GUCA1C: variants seen among roughly 807,000 people sequenced by gnomAD.
GUCA1C encodes the protein guanylate cyclase activator 1C.
GUCA1C carries 15 observed loss-of-function variants against 16.2 expected under a neutral mutation model. The ratio of observed to expected loss-of-function variants is 0.93; its 90% CI spans 0.62 to 1.43. The LOEUF (loss-of-function observed/expected upper bound fraction) is 1.43, where lower values mean the gene tolerates loss of function less well. Among genes scored for constraint, GUCA1C ranks in the 40% most tolerant of loss-of-function variants. GUCA1C has a pLI of 0.00. For synonymous variants in GUCA1C, 78 were observed against 85.4 expected, an observed-to-expected ratio of 0.91 and a Z score of 0.48; for missense variants, 275 against 244.8, an observed-to-expected ratio of 1.12 and a Z score of -0.82.
rs759659775 is a variant in GUCA1C, at chr3:108,908,208, C to T, written c.444G>A (p.Gly148=). 1.9e-6 allele frequency: 3 copies of T among 1,606,248 alleles called. No individual in the cohort carries two copies. The highest frequency in any genetic ancestry group is 2.6e-6 in the Non-Finnish European group (3 of 1,173,192). Residue 148 remains glycine, a splice_region_variant and synonymous_variant, in exon 4 of 4, where the codon GGG becomes GGA. Coordinates refer to ENST00000261047, the MANE Select transcript of GUCA1C (RefSeq NM_005459.4). The stretch of plus-strand genomic sequence containing the variant: ...TGATAAATTCTTCTAAAGTCAATTC[C>T]CCTGGAAAATAATAAACAGTTAATA... ...VFHKIDINND[G]ELTLEEFING... is the part of the protein sequence containing the mutation.
chr3:108,943,435 C>A (rs982075836), intron 1 of GUCA1C, among the ~76,000 whole-genome samples: 2 of 152,196 alleles, frequency 1.3e-5, no homozygotes, highest in East Asian at 3.9e-4. Flanking sequence ...GACTAAGAGG[C>A]CTTGGAGTAT....
At chr3:108,954,875 T>G (rs912060995), upstream of GUCA1C, among the ~76,000 whole-genome samples, 1 of 151,812 alleles carries the variant, frequency 6.6e-6, no homozygotes, top group Admixed American at 6.6e-5. Context: ...TAGCTGGGAC[T>G]ACAGGCGCCC....
At chr3:108,926,995 T>G (rs183910746) in intron 1 of GUCA1C, among the ~76,000 whole-genome samples, 1 of 152,294 alleles carries the variant, frequency 6.6e-6, no homozygotes, top group African/African-American at 2.4e-5. Context: ...TGAAGCTCGG[T>G]TTCACTGGAT....
chr3:108,945,070 C>T (rs1946830785), intron 1 of GUCA1C, among the ~76,000 whole-genome samples: 1 of 152,174 alleles, frequency 6.6e-6, no homozygotes, highest in Non-Finnish European at 1.5e-5. Context: ...CTGTGCACTC[C>T]CTAGGAGCAG....
At chr3:108,918,345 T>C (rs1023688231) in intron 2 of GUCA1C, among the ~76,000 whole-genome samples, 2 of 152,212 alleles carry the variant, frequency 1.3e-5, no homozygotes, top group African/African-American at 4.8e-5. Flanking sequence ...CAGCTTCCTC[T>C]CACAGTGTTC....
chr3:108,921,679 A>G (rs1464834898), intron 1 of GUCA1C, among the ~76,000 whole-genome samples: 1 of 152,178 alleles, frequency 6.6e-6, no homozygotes, highest in Non-Finnish European at 1.5e-5. Context: ...CAATTCCCTA[A>G]TAATATATGA....
chr3:108,925,415 A>G (rs1338675218), intron 1 of GUCA1C, among the ~76,000 whole-genome samples: 2 of 152,138 alleles, frequency 1.3e-5, no homozygotes, highest in African/African-American at 2.4e-5. Context: ...TTTAATTTCC[A>G]TGTATTTGCA....
intron 3 of GUCA1C, 115 bp downstream of exon 3, chr3:108,916,012 A>C (rs1946506191): frequency 7.9e-7 from 1 of 1,267,312 alleles, no homozygotes; most frequent in Non-Finnish European, 1.1e-6. Context: ...TATGAAGCCT[A>C]AGTCACAACT....
chr3:108,921,864 G>A (rs566381110), intron 1 of GUCA1C, among the ~76,000 whole-genome samples: 2 of 152,148 alleles, frequency 1.3e-5, no homozygotes, highest in South Asian at 2.1e-4. Flanking sequence ...TGATTTCTGA[G>A]ATTTTGGTGC....
chr3:108,945,946 T>C (rs1483284367), intron 1 of GUCA1C, among the ~76,000 whole-genome samples: 1 of 152,180 alleles, frequency 6.6e-6, no homozygotes, highest in African/African-American at 2.4e-5. Context: ...AAGCCAAGTA[T>C]TAAACAGTCA....
chr3:108,921,842 G>A (rs548665508), intron 1 of GUCA1C, among the ~76,000 whole-genome samples: 18 of 152,020 alleles, frequency 1.2e-4, no homozygotes, highest in Non-Finnish European at 2.1e-4. Context: ...ACATGAATAC[G>A]TTTTTTAGTG....
intron 2 of GUCA1C, among the ~76,000 whole-genome samples, chr3:108,916,762 G>T (rs923374696): frequency 6.6e-6 from 1 of 152,166 alleles, no homozygotes; most frequent in Non-Finnish European, 1.5e-5. Flanking sequence ...GGCCCAGGGG[G>T]CAAATGACAT....
intron 1 of GUCA1C, among the ~76,000 whole-genome samples, chr3:108,931,875 T>C (rs1946670620): frequency 1.4e-5 from 2 of 146,376 alleles, no homozygotes; most frequent in East Asian, 2.0e-4. Context: ...CTTTTTTTTT[T>C]TTTTTTTTTT....
Position 108,920,493 on chromosome 3 carries a change from C to G in GUCA1C, c.297G>C (p.Leu99=), listed in dbSNP as rs1946559173. The part of the protein sequence containing the change: ...MEQKLKWYFK[L]YDADGNGSID... ...TAGAACCATTTCCATCAGCATCATACAGCTTAAAATACCATTTTAATTTTT... is the reference window on the plus strand; with the variant it reads ...TAGAACCATTTCCATCAGCATCATAGAGCTTAAAATACCATTTTAATTTTT... Residue 99 remains leucine (L), a synonymous_variant, in exon 2 of 4, where the codon CTG becomes CTC. Transcript: ENST00000261047. 1 of 1,602,266 alleles carries G rather than the reference C, an allele frequency of 6.2e-7. No homozygotes were observed. The highest frequency in any genetic ancestry group is 8.6e-7 in the Non-Finnish European group (1 of 1,169,496).
intron 3 of GUCA1C, among the ~76,000 whole-genome samples, chr3:108,909,013 G>A (rs771052307): frequency 2.0e-5 from 3 of 152,178 alleles, no homozygotes; most frequent in Non-Finnish European, 2.9e-5. Flanking sequence ...AGCCAAAGAC[G>A]GACGGAGTGC....
At chr3:108,921,505 A>G (rs965735168) in intron 1 of GUCA1C, among the ~76,000 whole-genome samples, 2 of 152,188 alleles carry the variant, frequency 1.3e-5, no homozygotes, top group Non-Finnish European at 2.9e-5. Flanking sequence ...GTTTTTAAGA[A>G]ACTGCCAAAC....
At chr3:108,911,998 C>T (rs968457863) in intron 3 of GUCA1C, among the ~76,000 whole-genome samples, 6 of 151,278 alleles carry the variant, frequency 4.0e-5, no homozygotes, top group Admixed American at 2.6e-4. Flanking sequence ...CCCAGCTACT[C>T]GGGAGGCTGA....
chr3:108,914,366 G>C (rs1036051317), intron 3 of GUCA1C, among the ~76,000 whole-genome samples: 10 of 152,128 alleles, frequency 6.6e-5, no homozygotes, highest in African/African-American at 2.4e-4. Context: ...TTCTTGGATA[G>C]TAAACAAAAA....
Position 108,907,839 on chromosome 3 carries a change from C to A in GUCA1C, c.*183G>T. ...AATCTGCAGAGACAGCACAGAAAAGCAACAATGCATCTGTTTAGGATCTTT... is the reference window on the plus strand; with the variant it reads ...AATCTGCAGAGACAGCACAGAAAAGAAACAATGCATCTGTTTAGGATCTTT... On this transcript the variant is annotated 3_prime_UTR_variant, in exon 4 of 4. Coordinates refer to ENST00000261047, the MANE Select transcript of GUCA1C (RefSeq NM_005459.4). 1 of 546,270 alleles carries A rather than the reference C, an allele frequency of 1.8e-6. No homozygotes were observed. Among genetic ancestry groups the A allele is most frequent in the Non-Finnish European group, 3.2e-6 (1 of 309,886 alleles). 33.8% of individuals were successfully genotyped at this position (546,270 alleles called of 1,614,324 possible).
Sources: gnomAD v4.1 joint callset for allele counts (sites outside exome capture counted in the v4.1 genomes callset) on GRCh38, gnomAD v4.1.1 for gene constraint, MANE v1.5 for transcripts, NCBI Gene and HGNC (gene_info 2026-07-23, HGNC 2026-07-21) for gene names.